The following METAP2 variants were observed in gnomAD, a reference collection of about 807,000 sequenced individuals.
The protein encoded by METAP2 is methionine aminopeptidase 2.
A neutral mutation model predicts 59.4 loss-of-function variants in METAP2; 25 were observed. The ratio of observed to expected loss-of-function variants is 0.42; its 90% CI spans 0.31 to 0.59. METAP2 has a LOEUF of 0.59. Among genes scored for constraint, METAP2 ranks in the 20% least tolerant of loss-of-function variants. The pLI, the probability that METAP2 is intolerant of heterozygous loss-of-function variation, is 0.16. For missense variants in METAP2, 366 were observed against 581.2 expected (o/e 0.63, Z 3.81); for synonymous variants, 214 against 194.1 (o/e 1.10, Z -0.85).
intron 2 of METAP2, among the ~76,000 whole-genome samples, chr12:95,477,302 G>C (rs942393674): frequency 3.3e-5 from 5 of 152,054 alleles, no homozygotes; most frequent in African/African-American, 1.2e-4. Context: ...GTTTTGCCAG[G>C]TTGGTCTTGA....
chr12:95,477,036 A>G (rs978204350), intron 2 of METAP2, among the ~76,000 whole-genome samples: 12 of 152,290 alleles, frequency 7.9e-5, no homozygotes, highest in African/African-American at 2.9e-4. Context: ...GACATAGCTA[A>G]TATGTGTAGA....
At chr12:95,478,589 G>C (rs140215156) in intron 2 of METAP2, among the ~76,000 whole-genome samples, 1,724 of 152,026 alleles carry the variant, frequency 0.011, 32 homozygotes, top group African/African-American at 0.04. Context: ...TGGAGGTTGC[G>C]CCATTGCACT....
Position 95,485,911 on chromosome 12 carries a change from A to G in METAP2, c.358A>G (p.Ile120Val), listed in dbSNP as rs143687752. The G allele has an allele frequency of 2.9e-4, 456 of 1,584,796 alleles. 3 individuals carry two copies. The South Asian group carries it at 3.1e-3, about 11-fold the overall frequency. The part of the protein sequence containing the change: ...KVQTDPPSVP[I>V]CDLYPNGVFP... ...TCAAACAGACCCTCCCTCAGTTCCA[A>G]TATGTGACCTGTATCCTAATGGTGT... Residue 120 changes from isoleucine to valine, a missense_variant, in exon 4 of 11, where the codon ATA (isoleucine) becomes GTA (valine). By Grantham distance (29) the Ile-to-Val change is conservative (BLOSUM62 3). Transcript: ENST00000323666.
rs967769955 is a variant in METAP2, at chr12:95,483,228, T to C, written c.273T>C (p.Asp91=). Residue 91 remains aspartate (D), a synonymous_variant, in exon 3 of 11, where the codon GAT becomes GAC. Transcript: ENST00000323666. The part of the protein sequence containing the change: ...RDEDDEDGDG[D]GDGATGKKKK... ...GTCTTTTCTTAGATGGAGATGGCGATGGAGATGGAGCAACTGGAAAGAAGA... is the reference window on the plus strand; with the variant it reads ...GTCTTTTCTTAGATGGAGATGGCGACGGAGATGGAGCAACTGGAAAGAAGA... 3 of 1,612,654 alleles carry C rather than the reference T, an allele frequency of 1.9e-6. No homozygotes were observed. Among genetic ancestry groups the C allele is most frequent in the Non-Finnish European group, 1.7e-6 (2 of 1,178,916 alleles).
chr12:95,476,700 A>C (rs1407143323), intron 2 of METAP2, among the ~76,000 whole-genome samples: 1 of 152,190 alleles, frequency 6.6e-6, no homozygotes, highest in East Asian at 1.9e-4. Flanking sequence ...AGCTGTTCAG[A>C]TAGGACAGAT....
chr12:95,515,013 G>T lies in METAP2; in HGVS notation c.*1109G>T, dbSNP rs1424635877. 2 of 152,718 alleles carry T rather than the reference G, an allele frequency of 1.3e-5. No homozygotes were observed. The highest frequency in any genetic ancestry group is 1.5e-5 in the Non-Finnish European group (1 of 68,008). The allele number at this position is 152,718 out of a possible 1,614,324, so 9.5% of individuals were successfully genotyped here. A position where few individuals can be genotyped will look rare whatever the true frequency, so the allele number is the denominator to read the frequency against. On this transcript the variant is annotated 3_prime_UTR_variant, in exon 11 of 11. Coordinates refer to ENST00000323666, the MANE Select transcript of METAP2 (RefSeq NM_006838.4). ...TTTGTTTGAACTGAGGCCCACTACT[G>T]ATTCTTTGACAAATTGAATTCTTAT... is the stretch of plus-strand genomic sequence containing the variant.
intron 2 of METAP2, 152 bp from the exon 3 acceptor site, chr12:95,483,063 C>G: frequency 1.4e-6 from 1 of 691,988 alleles, no homozygotes; most frequent in East Asian, 2.5e-5. Context: ...CTTCCTATTT[C>G]TTATTTCAGT....
At chr12:95,505,940 A>G (rs2076355684) in intron 8 of METAP2, among the ~76,000 whole-genome samples, 1 of 149,352 alleles carries the variant, frequency 6.7e-6, no homozygotes, top group Non-Finnish European at 1.5e-5. Flanking sequence ...ACTAAATACA[A>G]AAAAAAAATA....
At chr12:95,496,178 C>G in intron 7 of METAP2, 80 bp downstream of exon 7, 1 of 845,164 alleles carries the variant, frequency 1.2e-6, no homozygotes, top group Non-Finnish European at 1.9e-6. Context: ...AGCATTTAAG[C>G]ACTTTTAAGG....
intron 2 of METAP2, among the ~76,000 whole-genome samples, chr12:95,479,882 TACAGGCGTGAGCC>T (rs1412119866): frequency 2.6e-5 from 4 of 152,240 alleles, no homozygotes; most frequent in African/African-American, 9.6e-5. Context: ...GTGCTGGGAT[TACAGGCGTGAGCC>T]ACCATACCTG....
At chr12:95,481,923 C>CT (rs923282305) in intron 2 of METAP2, among the ~76,000 whole-genome samples, 3 of 152,146 alleles carry the variant, frequency 2.0e-5, no homozygotes, top group African/African-American at 7.2e-5. Flanking sequence ...AGAACAGAAA[C>CT]TATCTTATTT....
At chr12:95,483,132 G>A (rs55909014) in intron 2 of METAP2, 83 bp from the exon 3 acceptor site, 68,122 of 998,858 alleles carry the variant, frequency 0.068, 3,051 homozygotes, top group African/African-American at 0.17. Flanking sequence ...ATTGAATAGA[G>A]CAAATACTTG....
At chr12:95,488,511 C>CAAAAAAAAAAAA (rs537119415) in intron 4 of METAP2, among the ~76,000 whole-genome samples, 5 of 76,562 alleles carry the variant, frequency 6.5e-5, no homozygotes, top group African/African-American at 2.5e-4. Flanking sequence ...TTTGTCTCAC[C>CAAAAAAAAAAAA]AAAAAAAAAA....
chr12:95,496,946 T>C (rs1259972361), intron 7 of METAP2, among the ~76,000 whole-genome samples: 1 of 147,068 alleles, frequency 6.8e-6, no homozygotes, highest in African/African-American at 2.5e-5. Context: ...TGCCTCAGCC[T>C]CCCGAGTTGC....
At chr12:95,481,023 G>T (rs1354243562) in intron 2 of METAP2, among the ~76,000 whole-genome samples, 2 of 152,168 alleles carry the variant, frequency 1.3e-5, no homozygotes, top group Non-Finnish European at 2.9e-5. Context: ...AATGTTTCTA[G>T]ATAGTGCAAG....
At chr12:95,476,296 C>T (rs1312630551) in intron 2 of METAP2, 118 bp downstream of exon 2, 3 of 548,174 alleles carry the variant, frequency 5.5e-6, no homozygotes, top group East Asian at 6.7e-5. Flanking sequence ...TACATAAGGT[C>T]AGTAGTTCGA....
chr12:95,505,605 C>T (rs2076352773), intron 8 of METAP2, among the ~76,000 whole-genome samples: 1 of 152,126 alleles, frequency 6.6e-6, no homozygotes, highest in African/African-American at 2.4e-5. Flanking sequence ...AGCCATTCTC[C>T]TACCTCAGCC....
intron 7 of METAP2, among the ~76,000 whole-genome samples, chr12:95,501,614 C>CT (rs1225279248): frequency 6.6e-6 from 1 of 151,774 alleles, no homozygotes; most frequent in Non-Finnish European, 1.5e-5. Context: ...ACTCAGGAGG[C>CT]TGAGGCAGGA....
At chr12:95,508,797 C>T (rs2076380724) in intron 8 of METAP2, among the ~76,000 whole-genome samples, 1 of 152,072 alleles carries the variant, frequency 6.6e-6, no homozygotes, top group African/African-American at 2.4e-5. Flanking sequence ...TTAATATCTA[C>T]CCTTTTACCT....
Sources: allele counts gnomAD v4.1 joint callset (sites outside exome capture counted in the v4.1 genomes callset), GRCh38; gene constraint gnomAD v4.1.1; transcripts MANE v1.5; gene names NCBI Gene and HGNC (gene_info 2026-07-23, HGNC 2026-07-21).